Variants in KCNT2 observed in about 807,000 individuals in gnomAD.
The protein encoded by KCNT2 is potassium channel subfamily T member 2.
A neutral mutation model predicts 153.8 loss-of-function variants in KCNT2; 67 were observed. The ratio of observed to expected loss-of-function variants is 0.44; its 90% CI spans 0.36 to 0.53. The LOEUF (loss-of-function observed/expected upper bound fraction) is 0.53, where lower values mean the gene tolerates loss of function less well. KCNT2 is among the 20% of genes least tolerant of loss of function. KCNT2 has a pLI of 0.00. For missense variants in KCNT2, 975 were observed against 1,354.8 expected, an observed-to-expected ratio of 0.72 and a Z score of 4.40; for synonymous variants, 500 against 458.8, an observed-to-expected ratio of 1.09 and a Z score of -1.15.
chr1:196,326,894 A>T lies in KCNT2; in HGVS notation c.2104-5T>A. The T allele has an allele frequency of 1.3e-6, 2 of 1,528,130 alleles. No individual in the cohort carries two copies. Among genetic ancestry groups the T allele is most frequent in the Non-Finnish European group, 1.8e-6 (2 of 1,139,956 alleles). 94.7% of individuals were successfully genotyped at this position (1,528,130 alleles called of 1,614,324 possible). A position where few individuals can be genotyped will look rare whatever the true frequency, so the allele number is the denominator to read the frequency against. ...ATAGTAGTTATGTTGGCAACTCTAGAGAAGAGAAAGTATACATTGAAATGC... is the reference window on the plus strand; with the variant it reads ...ATAGTAGTTATGTTGGCAACTCTAGTGAAGAGAAAGTATACATTGAAATGC... On this transcript the variant is annotated splice_polypyrimidine_tract_variant and splice_region_variant and intron_variant, in intron 18 of 27. Coordinates refer to ENST00000294725, the MANE Select transcript of KCNT2 (RefSeq NM_198503.5).
intron 19 of KCNT2, among the ~76,000 whole-genome samples, chr1:196,323,057 A>T (rs527382312): frequency 1.3e-5 from 2 of 151,972 alleles, no homozygotes; most frequent in African/African-American, 2.4e-5. Context: ...TAAATGTTTT[A>T]ACCATTTTAC....
At chr1:196,524,645 A>G (rs190729136) in intron 1 of KCNT2, among the ~76,000 whole-genome samples, 1 of 152,270 alleles carries the variant, frequency 6.6e-6, no homozygotes, top group Admixed American at 6.5e-5. Flanking sequence ...CTAAAGTCAT[A>G]TATAATAAGA....
chr1:196,414,874 T>C (rs4113171), intron 12 of KCNT2, among the ~76,000 whole-genome samples: 150,934 of 151,974 alleles, frequency 0.99, 74,958 homozygotes, highest in Middle Eastern at 1. Context: ...TGATTCCAGG[T>C]CTTCTGGCCC....
intron 1 of KCNT2, among the ~76,000 whole-genome samples, chr1:196,496,226 T>C (rs555652885): frequency 1.6e-3 from 242 of 152,090 alleles, no homozygotes; most frequent in African/African-American, 5.6e-3. Flanking sequence ...TCCCAGCAAT[T>C]TGGGAGGCCG....
intron 22 of KCNT2, among the ~76,000 whole-genome samples, chr1:196,290,018 A>T (rs1477019219): frequency 6.6e-6 from 1 of 152,010 alleles, no homozygotes; most frequent in Admixed American, 6.6e-5. Context: ...TGTTTCCTTT[A>T]ATCTGTGTCC....
intron 1 of KCNT2, among the ~76,000 whole-genome samples, chr1:196,605,616 T>TC (rs1665232103): frequency 6.6e-6 from 1 of 152,132 alleles, no homozygotes; most frequent in South Asian, 2.1e-4. Flanking sequence ...ATCTACCTAC[T>TC]CCTACATGAA....
At chr1:196,432,012 G>A (rs544398553) in intron 8 of KCNT2, among the ~76,000 whole-genome samples, 1 of 152,156 alleles carries the variant, frequency 6.6e-6, no homozygotes, top group African/African-American at 2.4e-5. Context: ...AGGTTTGAGG[G>A]CAGAATAGTT....
At chr1:196,464,737 T>C (rs1677459169) in intron 8 of KCNT2, among the ~76,000 whole-genome samples, 1 of 151,978 alleles carries the variant, frequency 6.6e-6, no homozygotes. Context: ...ATTGTCAAAG[T>C]GTGACCTTCC....
At position 196,417,255 on chromosome 1, in the gene KCNT2, C is replaced by T. The variant is rs1296465741; in HGVS notation, c.1185+5795G>A. On this transcript the variant is annotated intron_variant, in intron 12 of 27. Transcript: ENST00000294725. ...TTTACCCATGTTTATACTGACATCT[C>T]AAGGGTTATGTGAAGCTGACATGAC... 2.6e-5 allele frequency among the ~76,000 whole-genome samples: 4 copies of T among 152,044 alleles called. No individual in the cohort carries two copies. The East Asian group carries it at 7.7e-4, about 29-fold the overall frequency.
chr1:196,359,588 A>C (rs541225348), intron 14 of KCNT2, among the ~76,000 whole-genome samples: 6 of 152,122 alleles, frequency 3.9e-5, no homozygotes, highest in Non-Finnish European at 8.8e-5. Context: ...AAAGATAAGC[A>C]AGATATGTTC....
At chr1:196,508,122 G>A (rs1681296427) in intron 1 of KCNT2, among the ~76,000 whole-genome samples, 1 of 146,266 alleles carries the variant, frequency 6.8e-6, no homozygotes, top group African/African-American at 2.5e-5. Context: ...GAGGTGGTAT[G>A]GCTGAACAGT....
intron 1 of KCNT2, among the ~76,000 whole-genome samples, chr1:196,529,152 C>T (rs183198369): frequency 8.5e-4 from 129 of 152,066 alleles, no homozygotes; most frequent in Admixed American, 1.7e-3. Flanking sequence ...AAAATAAATG[C>T]GAAACTGAAT....
intron 8 of KCNT2, among the ~76,000 whole-genome samples, chr1:196,430,628 C>G (rs545499367): frequency 1.6e-4 from 24 of 152,088 alleles, no homozygotes; most frequent in African/African-American, 5.8e-4. Context: ...ACAAAATGGA[C>G]TAAGACACAA....
intron 8 of KCNT2, among the ~76,000 whole-genome samples, chr1:196,431,015 CT>C (rs1674104338): frequency 6.6e-6 from 1 of 152,086 alleles, no homozygotes; most frequent in Non-Finnish European, 1.5e-5. Flanking sequence ...AATTAGCAAT[CT>C]TATAAAAGTG....
chr1:196,412,239 T>C (rs1229502565), intron 12 of KCNT2, among the ~76,000 whole-genome samples: 1 of 151,752 alleles, frequency 6.6e-6, no homozygotes, highest in East Asian at 1.9e-4. Flanking sequence ...ATTTATTTAA[T>C]GTCAATTCTT....
chr1:196,473,129 C>T (rs1314290212), intron 5 of KCNT2, among the ~76,000 whole-genome samples: 2 of 152,134 alleles, frequency 1.3e-5, no homozygotes, highest in African/African-American at 4.8e-5. Flanking sequence ...CTTAAAGAGG[C>T]TTGGAAAAGC....
chr1:196,475,975 T>C (rs1175151345), intron 5 of KCNT2, among the ~76,000 whole-genome samples: 3 of 152,192 alleles, frequency 2.0e-5, no homozygotes, highest in Non-Finnish European at 4.4e-5. Context: ...GGTCTTACAA[T>C]TTTCTGCTCT....
chr1:196,571,236 C>A (rs1171077773), intron 1 of KCNT2, among the ~76,000 whole-genome samples: 2 of 151,830 alleles, frequency 1.3e-5, no homozygotes, highest in Non-Finnish European at 2.9e-5. Flanking sequence ...GGAATAAGTT[C>A]AATTAGAAAA....
At chr1:196,496,778 C>G (rs1443479796) in intron 1 of KCNT2, among the ~76,000 whole-genome samples, 1 of 152,152 alleles carries the variant, frequency 6.6e-6, no homozygotes, top group Non-Finnish European at 1.5e-5. Context: ...CATTGCAAGA[C>G]ACACTCAAAC....
Sources: gnomAD v4.1 joint callset for allele counts (sites outside exome capture counted in the v4.1 genomes callset) on GRCh38, gnomAD v4.1.1 for gene constraint, MANE v1.5 for transcripts, NCBI Gene and HGNC (gene_info 2026-07-23, HGNC 2026-07-21) for gene names.